NUDT13: variants seen among roughly 807,000 people sequenced by gnomAD.
The protein encoded by NUDT13 is NAD(P)H pyrophosphatase NUDT13, mitochondrial.
In NUDT13, 40 loss-of-function variants were observed where a neutral mutation model predicts 41.7. The ratio of observed to expected loss-of-function variants is 0.96; its 90% CI spans 0.75 to 1.25. The LOEUF (loss-of-function observed/expected upper bound fraction) is 1.25, where lower values mean the gene tolerates loss of function less well. Among genes scored for constraint, NUDT13 ranks in the 50% most tolerant of loss-of-function variants. The probability of loss-of-function intolerance (pLI) is 0.00; values close to 1 mark genes in which losing one functional copy is unlikely to be tolerated. For synonymous variants in NUDT13, 145 were observed against 155.5 expected (o/e 0.93, Z 0.50); for missense variants, 390 against 416.1 (o/e 0.94, Z 0.55).
chr10:73,130,659 T>A (rs1425623672), intron 8 of NUDT13, 44 bp from the exon 9 acceptor site: 2 of 1,532,526 alleles, frequency 1.3e-6, no homozygotes, highest in Non-Finnish European at 1.8e-6. Context: ...TTCTAAATTT[T>A]GTAGCTCCTG....
chr10:73,122,053 G>A, intron 3 of NUDT13, 122 bp from the exon 4 acceptor site: 2 of 1,128,138 alleles, frequency 1.8e-6, no homozygotes, highest in Non-Finnish European at 1.3e-6. Flanking sequence ...AGCTGCAGTT[G>A]GAAGCCAAGT....
intron 8 of NUDT13, among the ~76,000 whole-genome samples, chr10:73,128,934 C>T (rs1165342419): frequency 1.3e-5 from 2 of 152,086 alleles, no homozygotes; most frequent in Non-Finnish European, 2.9e-5. Context: ...AGATAACGGT[C>T]CGATTTCATT....
chr10:73,126,767 C>T lies in NUDT13; in HGVS notation c.798C>T (p.Pro266=), dbSNP rs1842794017. 6.2e-7 allele frequency: 1 copy of T among 1,614,058 alleles called. No homozygotes were observed. The highest frequency in any genetic ancestry group is 1.1e-5 in the South Asian group (1 of 91,070). The change falls in exon 8 of 9, where the codon CCC becomes CCT. Residue 266 remains proline (P), a synonymous_variant. Coordinates refer to ENST00000357321, the MANE Select transcript of NUDT13 (RefSeq NM_015901.6). The stretch of plus-strand genomic sequence containing the variant: ...AGTACTATGCATCCCAGCATTGGCC[C>T]TTCCCTAGTGGCTCACTCATGATTG... The part of the protein sequence containing the change: ...SLQYYASQHW[P]FPSGSLMIAC...
intron 1 of NUDT13, among the ~76,000 whole-genome samples, chr10:73,111,447 C>T (rs1025050166): frequency 2.6e-5 from 4 of 152,158 alleles, no homozygotes; most frequent in East Asian, 1.9e-4. Context: ...GATCTCGGCT[C>T]ACTACAAGAT....
rs1227233693 is a variant in NUDT13 at position 73,120,065 on chromosome 10, A to T, written c.131A>T (p.Gln44Leu). Residue 44 changes from glutamine to leucine, a missense_variant, in exon 3 of 9, where the codon CAG (glutamine) becomes CTG (leucine). Transcript: ENST00000357321. Reference protein sequence around the residue: ...KEDDDACKKAQQTGAFYLFHS... With the variant: ...KEDDDACKKALQTGAFYLFHS... ...GATGATGATGCATGTAAAAAAGCCC[A>T]GCAAACAGGAGCGTTTTACCTCTTT... The T allele has an allele frequency of 4.3e-6, 7 of 1,614,088 alleles. No homozygotes were observed. The highest frequency in any genetic ancestry group is 5.9e-6 in the Non-Finnish European group (7 of 1,180,014).
At chr10:73,112,133 C>T in intron 1 of NUDT13, among the ~76,000 whole-genome samples, 1 of 152,228 alleles carries the variant, frequency 6.6e-6, no homozygotes, top group East Asian at 1.9e-4. Flanking sequence ...GGCAGATCAC[C>T]TGAGAACAGG....
chr10:73,122,565 TATTTA>T lies in NUDT13; in HGVS notation c.358+257_358+261del, dbSNP rs528062565. Among the ~76,000 whole-genome samples the T allele has an allele frequency of 8.5e-5, 13 of 152,140 alleles. No individual in the cohort carries two copies. The East Asian group carries it at 2.5e-3, about 29-fold the overall frequency. ...TTAGTCTCTGTACCATTATACATTTTATTTATTTATTTTATCTTATTTTATTGAGA... is the reference window on the plus strand; with the variant it reads ...TTAGTCTCTGTACCATTATACATTTTTTTATTTTATCTTATTTTATTGAGA... On this transcript the variant is annotated intron_variant, in intron 4 of 8. Coordinates refer to ENST00000357321, the MANE Select transcript of NUDT13 (RefSeq NM_015901.6).
rs1842339011 is a variant in NUDT13, at chr10:73,110,521, TG to T, written c.-55del. On this transcript the variant is annotated 5_prime_UTR_variant, in exon 1 of 9. Transcript: ENST00000357321. ...CGTGAACATTTGGAGTTTCCTCTTT[TG>T]TGCTGATTCCTGAGGACTAGGAAGG... 1.3e-5 allele frequency: 2 copies of T among 152,246 alleles called. No homozygotes were observed. The highest frequency in any genetic ancestry group is 2.1e-4 in the South Asian group (1 of 4,836). 9.4% of individuals were successfully genotyped at this position (152,246 alleles called of 1,614,324 possible).
At chr10:73,124,921 T>G (rs1842733547) in intron 5 of NUDT13, 197 bp from the exon 6 acceptor site, 1 of 523,578 alleles carries the variant, frequency 1.9e-6, no homozygotes. Context: ...CTTTCTTTTA[T>G]TCAGATTTCT....
chr10:73,126,369 G>T (rs1434158655), intron 7 of NUDT13, among the ~76,000 whole-genome samples: 2 of 152,082 alleles, frequency 1.3e-5, no homozygotes, highest in African/African-American at 4.8e-5. Flanking sequence ...TTACAGGTTG[G>T]TTTTTTTCTC....
intron 7 of NUDT13, among the ~76,000 whole-genome samples, chr10:73,125,717 C>T (rs1174240345): frequency 1.3e-5 from 2 of 148,540 alleles, no homozygotes; most frequent in East Asian, 3.9e-4. Context: ...GGGAGTCTCA[C>T]CCTGTTGCTC....
chr10:73,126,955 G>T, intron 8 of NUDT13, 128 bp downstream of exon 8: 1 of 851,588 alleles, frequency 1.2e-6, no homozygotes, highest in Admixed American at 2.2e-5. Context: ...TGTAAAATAT[G>T]ATTTAGGGCT....
chr10:73,111,564 A>C (rs1361235323), intron 1 of NUDT13, among the ~76,000 whole-genome samples: 4 of 152,224 alleles, frequency 2.6e-5, no homozygotes, highest in Admixed American at 2.0e-4. Context: ...GAAACTCTTA[A>C]TGTTAAAGCA....
At chr10:73,128,843 T>G (rs1842850090) in intron 8 of NUDT13, among the ~76,000 whole-genome samples, 1 of 152,228 alleles carries the variant, frequency 6.6e-6, no homozygotes. Context: ...TTCCTTTATG[T>G]TTTCTCCTAA....
Position 73,126,728 on chromosome 10 carries a change from G to C in NUDT13, c.759G>C (p.Glu253Asp). 1 of 1,614,126 alleles carries C rather than the reference G, an allele frequency of 6.2e-7. No individual in the cohort carries two copies. Among genetic ancestry groups the C allele is most frequent in the Non-Finnish European group, 8.5e-7 (1 of 1,180,000 alleles). ...RREVAEEVGL[E>D]VESLQYYASQ... ...AAGTTGCAGAAGAGGTGGGATTGGAGGTGGAAAGCCTGCAGTACTATGCAT... is the reference window on the plus strand; with the variant it reads ...AAGTTGCAGAAGAGGTGGGATTGGACGTGGAAAGCCTGCAGTACTATGCAT... Residue 253 changes from glutamate to aspartate, a missense_variant, in exon 8 of 9, where the codon GAG becomes GAC. Physicochemically the swap from Glu to Asp is conservative, Grantham distance 45. Coordinates refer to ENST00000357321, the MANE Select transcript of NUDT13 (RefSeq NM_015901.6).
At chr10:73,124,966 T>C in intron 5 of NUDT13, 152 bp from the exon 6 acceptor site, 1 of 762,986 alleles carries the variant, frequency 1.3e-6, no homozygotes, top group South Asian at 2.7e-5. Context: ...AGTTTACTTG[T>C]CCTGAAATTT....
At chr10:73,116,164 T>C (rs774323319) in intron 2 of NUDT13, among the ~76,000 whole-genome samples, 1 of 152,084 alleles carries the variant, frequency 6.6e-6, no homozygotes, top group South Asian at 2.1e-4. Flanking sequence ...TACACCACCA[T>C]GCCTGGCTAA....
chr10:73,118,403 G>T (rs978846136), intron 2 of NUDT13, among the ~76,000 whole-genome samples: 4 of 152,100 alleles, frequency 2.6e-5, no homozygotes, highest in Non-Finnish European at 5.9e-5. Flanking sequence ...AGATCCCACA[G>T]GAAATATCTG....
At chr10:73,127,638 C>T (rs1457121334) in intron 8 of NUDT13, among the ~76,000 whole-genome samples, 2 of 151,428 alleles carry the variant, frequency 1.3e-5, no homozygotes, top group Non-Finnish European at 2.9e-5. Context: ...AGTATATACC[C>T]TTGAAATTAT....
Sources: allele counts gnomAD v4.1 joint callset (sites outside exome capture counted in the v4.1 genomes callset), GRCh38; gene constraint gnomAD v4.1.1; transcripts MANE v1.5; gene names NCBI Gene and HGNC (gene_info 2026-07-23, HGNC 2026-07-21).